INPP5D: variants seen among roughly 807,000 people sequenced by gnomAD.
INPP5D encodes inositol polyphosphate-5-phosphatase D.
In INPP5D, 33 loss-of-function variants were observed where a neutral mutation model predicts 122.9. That is an observed-to-expected ratio of 0.27 (90% CI 0.20 to 0.36). The LOEUF (loss-of-function observed/expected upper bound fraction) is 0.36. INPP5D is among the 10% of genes least tolerant of loss of function. The pLI is 1.00. For missense variants in INPP5D, 1,053 were observed against 1,412.7 expected, an observed-to-expected ratio of 0.75 and a Z score of 4.08; for synonymous variants, 584 against 576.2, an observed-to-expected ratio of 1.01 and a Z score of -0.19.
At chr2:233,154,103 G>GACACAAAGAC (rs1350272211) in intron 9 of INPP5D, among the ~76,000 whole-genome samples, 1 of 152,190 alleles carries the variant, frequency 6.6e-6, no homozygotes, top group African/African-American at 2.4e-5. Flanking sequence ...GGAAGCTGGG[G>GACACAAAGAC]ACAGGAAACA....
Position 233,137,851 on chromosome 2 carries a change from AAAATATATATATATATATAT to A in INPP5D, c.666-1989_666-1970del, listed in dbSNP as rs1693516269. 3.3e-4 allele frequency among the ~76,000 whole-genome samples: 4 copies of A among 12,218 alleles called. 1 individual carries two copies. Among genetic ancestry groups the A allele is most frequent in the African/African-American group, 9.5e-4 (4 of 4,208 alleles). 8.0% of individuals were successfully genotyped at this position (12,218 alleles called of 152,430 possible). A position where few individuals can be genotyped will look rare whatever the true frequency, so the allele number is the denominator to read the frequency against. The stretch of plus-strand genomic sequence containing the variant: ...CCATCACAAAAAAAAAAAAAAAAAA[AAAATATATATATATATATAT>A]ATATATATATATATATATATATATA... On this transcript the variant is annotated intron_variant, in intron 5 of 26. Coordinates refer to ENST00000445964, the MANE Select transcript of INPP5D (RefSeq NM_001017915.3).
At chr2:233,202,643 C>T (rs542413196) in intron 25 of INPP5D, among the ~76,000 whole-genome samples, 60 of 152,204 alleles carry the variant, frequency 3.9e-4, no homozygotes, top group Non-Finnish European at 6.8e-4. Flanking sequence ...TCAGTGGGTT[C>T]CCAGCGATCC....
At chr2:233,095,708 TA>T (rs1437738615) in intron 2 of INPP5D, among the ~76,000 whole-genome samples, 3 of 71,620 alleles carry the variant, frequency 4.2e-5, no homozygotes, top group Non-Finnish European at 9.3e-5. Context: ...ACTTTTAAAA[TA>T]ATTTTTTTTT....
chr2:233,135,319 C>T (rs534623667), intron 5 of INPP5D, among the ~76,000 whole-genome samples: 14 of 151,916 alleles, frequency 9.2e-5, no homozygotes, highest in South Asian at 4.1e-4. Context: ...CCTTTAACTC[C>T]GGAGTATCTG....
At chr2:233,110,053 T>TA (rs1263442327) in intron 2 of INPP5D, among the ~76,000 whole-genome samples, 3 of 68,376 alleles carry the variant, frequency 4.4e-5, no homozygotes, top group Non-Finnish European at 7.8e-5. Context: ...CTCAGCTAAT[T>TA]TTTTTTTTTT....
chr2:233,167,909 A>G (rs1694387609), intron 13 of INPP5D, among the ~76,000 whole-genome samples: 1 of 150,260 alleles, frequency 6.7e-6, no homozygotes, highest in Non-Finnish European at 1.5e-5. Context: ...TGAGGCAGAG[A>G]CAGGAGAATT....
At chr2:233,148,743 A>G (rs1162620550) in intron 9 of INPP5D, among the ~76,000 whole-genome samples, 1 of 152,074 alleles carries the variant, frequency 6.6e-6, no homozygotes, top group Middle Eastern at 3.2e-3. Flanking sequence ...AACCTGATCA[A>G]TGCGTAGACC....
chr2:233,140,926 G>T (rs1693619355), intron 6 of INPP5D: 1 of 152,242 alleles, frequency 6.6e-6, no homozygotes, highest in Non-Finnish European at 1.5e-5. Context: ...ACTGAAGAGG[G>T]ACAGGGAATA....
rs535968527 is a variant in INPP5D, at chr2:233,118,435, C to T, written c.199-3672C>T. Among the ~76,000 whole-genome samples, 245 of 152,332 alleles carry T rather than the reference C, an allele frequency of 1.6e-3. 1 individual carries two copies. Among genetic ancestry groups the T allele is most frequent in the Non-Finnish European group, 2.5e-3 (173 of 68,022 alleles). ...TCCGCTGTCTGGGCCGGCTCTGTAGCTTCTATGATCCCCTTCTTGGGCTCT... is the reference window on the plus strand; with the variant it reads ...TCCGCTGTCTGGGCCGGCTCTGTAGTTTCTATGATCCCCTTCTTGGGCTCT... On this transcript the variant is annotated intron_variant, in intron 2 of 26. Coordinates refer to ENST00000445964, the MANE Select transcript of INPP5D (RefSeq NM_001017915.3).
Position 233,170,468 on chromosome 2 carries a change from C to T in INPP5D, c.1792-28C>T, listed in dbSNP as rs546217341. The T allele has an allele frequency of 1.9e-6, 3 of 1,613,428 alleles. No individual in the cohort carries two copies. The Admixed American group carries it at 5.0e-5, about 27-fold the overall frequency. On this transcript the variant is annotated intron_variant, in intron 15 of 26. Coordinates refer to ENST00000445964, the MANE Select transcript of INPP5D (RefSeq NM_001017915.3). This position sits in a 1 kb window ranked among gnomAD's most constrained non-coding sequence, Gnocchi z 4.5. ...GGCCTGGATCAGCAGGGCTTCTCACCAGAGGCCCGGGCATGTTCTTGTTCC... is the reference window on the plus strand; with the variant it reads ...GGCCTGGATCAGCAGGGCTTCTCACTAGAGGCCCGGGCATGTTCTTGTTCC...
intron 1 of INPP5D, among the ~76,000 whole-genome samples, chr2:233,068,024 G>C (rs540524075): frequency 6.6e-6 from 1 of 152,150 alleles, no homozygotes; most frequent in Non-Finnish European, 1.5e-5. Flanking sequence ...GGTGGCTCAT[G>C]CCTGTAATCC....
intron 4 of INPP5D, among the ~76,000 whole-genome samples, chr2:233,126,647 C>T (rs75678492): frequency 0.02 from 3,083 of 152,232 alleles, 117 homozygotes; most frequent in East Asian, 0.18. Context: ...AGGCCAGACG[C>T]GGTGGCTCAT....
intron 2 of INPP5D, among the ~76,000 whole-genome samples, chr2:233,089,220 G>A (rs1691929564): frequency 6.6e-6 from 1 of 152,106 alleles, no homozygotes. Flanking sequence ...TCCCACCTGG[G>A]GCCTATCTTG....
chr2:233,204,462 G>A lies in INPP5D; in HGVS notation c.3312G>A (p.Gly1104=), dbSNP rs910309883. The A allele has an allele frequency of 4.4e-6, 7 of 1,595,090 alleles. No homozygotes were observed. Among genetic ancestry groups the A allele is most frequent in the South Asian group, 1.1e-5 (1 of 88,540 alleles). The change falls in exon 26 of 27, where the codon GGG becomes GGA. Residue 1104 remains glycine (G), a synonymous_variant. Transcript: ENST00000445964. The part of the protein sequence containing the change: ...GRAAGGDKSQ[G]KPKTPVSSQA... ...CGGCCGGCGGGGACAAGAGCCAAGG[G>A]AAGCCCAAGACCCCGGTCAGCTCCC...
chr2:233,149,268 T>C (rs1230339712), intron 9 of INPP5D, among the ~76,000 whole-genome samples: 3 of 152,048 alleles, frequency 2.0e-5, no homozygotes, highest in African/African-American at 7.2e-5. Context: ...CGCCCAGCTA[T>C]TTTTTTATTT....
Position 233,089,194 on chromosome 2 carries a change from C to T in INPP5D, c.198+9796C>T, listed in dbSNP as rs150614592. On this transcript the variant is annotated intron_variant, in intron 2 of 26. Coordinates refer to ENST00000445964, the MANE Select transcript of INPP5D (RefSeq NM_001017915.3). ...GCCTTGAGGACACGGGAGGGACCAG[C>T]GGGAGGCCCCACAACTCCCACCTGG... 1.2e-3 allele frequency among the ~76,000 whole-genome samples: 184 copies of T among 152,188 alleles called. 1 individual carries two copies. The East Asian group carries it at 0.019, about 15-fold the overall frequency.
At chr2:233,121,065 A>G (rs1692955185) in intron 2 of INPP5D, among the ~76,000 whole-genome samples, 2 of 151,904 alleles carry the variant, frequency 1.3e-5, no homozygotes, top group Non-Finnish European at 2.9e-5. Context: ...AAACTGGAAA[A>G]TAGGTATCTT....
intron 2 of INPP5D, among the ~76,000 whole-genome samples, chr2:233,094,869 T>C (rs1469353840): frequency 1.3e-5 from 2 of 152,202 alleles, no homozygotes; most frequent in African/African-American, 2.4e-5. Context: ...AAATTGCCAA[T>C]GTCTATCAAC....
intron 1 of INPP5D, among the ~76,000 whole-genome samples, chr2:233,061,704 G>C (rs146972646): frequency 3.5e-4 from 53 of 152,302 alleles, no homozygotes; most frequent in African/African-American, 1.2e-3. Context: ...CCTGTTAAAA[G>C]CCCCACTTTG....
Sources: allele counts gnomAD v4.1 joint callset (sites outside exome capture counted in the v4.1 genomes callset), GRCh38; gene constraint gnomAD v4.1.1; non-coding constraint Gnocchi (gnomAD v3.1); transcripts MANE v1.5; gene names NCBI Gene and HGNC (gene_info 2026-07-23, HGNC 2026-07-21).